The following PLEC variants were observed in gnomAD, a reference collection of about 807,000 sequenced individuals.
The protein encoded by PLEC is plectin, also known as hemidesmosomal protein 1.
In PLEC, 216 loss-of-function variants were observed where a neutral mutation model predicts 392.8. The ratio of observed to expected loss-of-function variants is 0.55; its 90% CI spans 0.49 to 0.62. The LOEUF (loss-of-function observed/expected upper bound fraction) is 0.62. Ranked by LOEUF, PLEC falls within the 20% of genes least tolerant of loss-of-function variation. PLEC has a pLI of 0.00. For missense variants in PLEC, 6,863 were observed against 6,563.4 expected (o/e 1.05, Z -1.58); for synonymous variants, 3,621 against 2,980.6 (o/e 1.21, Z -7.00).
At chr8:143,935,153 C>G in intron 7 of PLEC, 36 bp from the exon 8 acceptor site, 1 of 1,611,722 alleles carries the variant, frequency 6.2e-7, no homozygotes, top group Non-Finnish European at 8.5e-7. Flanking sequence ...GGCTCTGGGG[C>G]AGGCAGCAGG....
chr8:143,950,621 T>C (rs1318795739), exon 1 of PLEC: 1 of 1,602,766 alleles, frequency 6.2e-7, no homozygotes. Context: ...CCGCCGGTCC[T>C]TCTTGGCCAC....
intron 3 of PLEC, 145 bp downstream of exon 3, chr8:143,938,006 G>A (rs1829501988): frequency 4.5e-6 from 3 of 666,182 alleles, no homozygotes; most frequent in Non-Finnish European, 8.0e-6. Context: ...CAGGGACGAG[G>A]CCAGCCTGCC....
rs782278184 is a variant in PLEC, at chr8:143,934,764, G to A, written c.946-34C>T. 1.9e-6 allele frequency: 3 copies of A among 1,611,992 alleles called. No homozygotes were observed. The Admixed American group carries it at 5.0e-5, about 27-fold the overall frequency. On this transcript the variant is annotated intron_variant, in intron 9 of 31. Transcript: ENST00000345136. Reference sequence around the variant, plus strand: ...GACGAGGCTGTCGGCAACCACGCCGGGCTCTCAGGGCAGGCCCAGGACCCC... The same window carrying A: ...GACGAGGCTGTCGGCAACCACGCCGAGCTCTCAGGGCAGGCCCAGGACCCC...
chr8:143,975,826 G>A (rs1483954313), upstream of PLEC, among the ~76,000 whole-genome samples: 1 of 152,114 alleles, frequency 6.6e-6, no homozygotes, highest in Non-Finnish European at 1.5e-5. This position sits in a 1 kb window ranked among gnomAD's most constrained non-coding sequence, Gnocchi z 9.9. Flanking sequence ...GGAAGGGGAA[G>A]GGGTGACTAC....
At chr8:143,943,942 G>C (rs1401718657), upstream of PLEC, 1 of 1,589,176 alleles carries the variant, frequency 6.3e-7, no homozygotes, top group African/African-American at 1.3e-5. Flanking sequence ...GGAACCGGCT[G>C]CTCCAGGCTA....
At position 143,933,734 on chromosome 8, in the gene PLEC, AG is replaced by A. The variant is rs373129410; in HGVS notation, c.1263+263del. 1.9e-4 allele frequency among the ~76,000 whole-genome samples: 29 copies of A among 152,240 alleles called. No individual in the cohort carries two copies. In the East Asian group the frequency reaches 4.6e-3, roughly 24 times the overall value. ...CCCTAACAGTAAGCCGCTGTCGGGG[AG>A]GGGGCCTGGCGGGGGCAAGGCAGCC... On this transcript the variant is annotated intron_variant, in intron 12 of 31. Coordinates refer to ENST00000345136, the MANE Select transcript of PLEC (RefSeq NM_201384.3).
rs567335217 is a variant in PLEC, at chr8:143,965,334, G to A, written c.70+8069C>T. Among the ~76,000 whole-genome samples, 30 of 151,834 alleles carry A rather than the reference G, an allele frequency of 2.0e-4. No homozygotes were observed. The East Asian group carries it at 5.4e-3, about 27-fold the overall frequency. On this transcript the variant is annotated intron_variant, in intron 1 of 31. Coordinates refer to the PLEC transcript ENST00000356346. ...CCAGGACCCAAATCCTGGAGAGCAG[G>A]CCCCACAGGCTGATGTCCCAAGTCC...
At position 143,920,313 on chromosome 8, in the gene PLEC, C is replaced by T; in HGVS notation, c.9508G>A (p.Ala3170Thr). The T allele has an allele frequency of 6.3e-7, 1 of 1,590,834 alleles. No homozygotes were observed. The highest frequency in any genetic ancestry group is 8.5e-7 in the Non-Finnish European group (1 of 1,174,500). ...GCGTCGGCCCTTGGTGCCGACAGGG[C>T]CCTGCTGGTCTCCTCATCCAGGCAG... ...RGCLDEETSR[A>T]LSAPRADAKA... The change falls in exon 32 of 32, where the codon GCC becomes ACC. Residue 3170 changes from alanine to threonine, a missense_variant. By Grantham distance (58) the Ala-to-Thr change is moderately conservative. Transcript: ENST00000345136.
intron 1 of PLEC, chr8:143,944,632 A>G: frequency 7.5e-7 from 1 of 1,339,108 alleles, no homozygotes; most frequent in East Asian, 2.8e-5. Flanking sequence ...AAGGCTTTCA[A>G]GGGCTGCCCA....
upstream of PLEC, among the ~76,000 whole-genome samples, chr8:143,954,625 T>C (rs1832489594): frequency 6.6e-6 from 1 of 152,138 alleles, no homozygotes; most frequent in Non-Finnish European, 1.5e-5. This position sits in a 1 kb window ranked among gnomAD's most constrained non-coding sequence, Gnocchi z 4.6. Context: ...GGGGTCAGCC[T>C]CCTCAGCCCG....
chr8:143,944,231 G>A (rs942527071), upstream of PLEC, among the ~76,000 whole-genome samples: 2 of 151,990 alleles, frequency 1.3e-5, no homozygotes, highest in Non-Finnish European at 2.9e-5. Flanking sequence ...GGGGCCAGCC[G>A]CACGCCTGGC....
At chr8:143,975,576 CCTCT>C (rs1478854736), upstream of PLEC, among the ~76,000 whole-genome samples, 1 of 151,792 alleles carries the variant, frequency 6.6e-6, no homozygotes, top group African/African-American at 2.4e-5. This position sits in a 1 kb window ranked among gnomAD's most constrained non-coding sequence, Gnocchi z 9.9. Flanking sequence ...ACTGACTTAC[CCTCT>C]CTCCATCCAT....
rs782341043 is a variant in PLEC, at chr8:143,920,671, T to C, written c.9150A>G (p.Pro3050=). Residue 3050 remains proline (P), a synonymous_variant, in exon 32 of 32, where the codon CCA becomes CCG. Coordinates refer to ENST00000345136, the MANE Select transcript of PLEC (RefSeq NM_201384.3). ...CCAACAGGGCCACGGCCATGTCGGA[T>C]GGCAGCAGGTCTTTCTTCAGGGCAT... The part of the protein sequence containing the change: ...IYNALKKDLL[P]SDMAVALLEA... The C allele has an allele frequency of 1.9e-5, 30 of 1,603,416 alleles. No homozygotes were observed. The Admixed American group carries it at 4.3e-4, about 23-fold the overall frequency.
chr8:143,935,812 C>T, intron 6 of PLEC, 36 bp downstream of exon 6: 3 of 1,608,930 alleles, frequency 1.9e-6, no homozygotes, highest in Non-Finnish European at 1.7e-6. Flanking sequence ...TGGGGGTGCC[C>T]CCAGCCCACA....
In PLEC at chr8:143,927,049, C is replaced by A. The variant is rs374669316; in HGVS notation, c.3873G>T (p.Ala1291=). The part of the protein sequence containing the change: ...DYELQLVTYK[A]QLEPVASPAK... ...CCGGGGAGGCCACCGGCTCAAGCTG[C>A]GCCTTGTACGTCACCAGCTGGAGTT... Residue 1291 remains alanine (A), a synonymous_variant, in exon 29 of 32, where the codon GCG becomes GCT. Coordinates refer to ENST00000345136, the MANE Select transcript of PLEC (RefSeq NM_201384.3). 2 of 1,611,992 alleles carry A rather than the reference C, an allele frequency of 1.2e-6. No homozygotes were observed. The highest frequency in any genetic ancestry group is 2.2e-5 in the East Asian group (1 of 44,876).
chr8:143,933,192 C>T lies in PLEC; in HGVS notation c.1418+5G>A. On this transcript the variant is annotated splice_donor_5th_base_variant and intron_variant, in intron 13 of 31. Coordinates refer to ENST00000345136, the MANE Select transcript of PLEC (RefSeq NM_201384.3). ...GGGCTTCAGGGAGGGCAGGGCGGGG[C>T]CCACCTGCGGTACATCTGCTCGCCC... 6.2e-7 allele frequency: 1 copy of T among 1,611,864 alleles called. No individual in the cohort carries two copies. Among genetic ancestry groups the T allele is most frequent in the Non-Finnish European group, 8.5e-7 (1 of 1,179,804 alleles).
chr8:143,942,304 A>G (rs1262853692), upstream of PLEC: 1 of 1,513,750 alleles, frequency 6.6e-7, no homozygotes, highest in East Asian at 2.3e-5. Context: ...ATCCCAGCCC[A>G]GGCGGCGGTT....
chr8:143,918,789 C>G lies in PLEC; in HGVS notation c.11032G>C (p.Glu3678Gln). 1 of 1,613,144 alleles carries G rather than the reference C, an allele frequency of 6.2e-7. No homozygotes were observed. Among genetic ancestry groups the G allele is most frequent in the Non-Finnish European group, 8.5e-7 (1 of 1,180,020 alleles). ...EGTRSLREAL[E>Q]AESAWCYLYG... ...AGGTAGCACCAGGCGGACTCCGCCT[C>G]GAGAGCCTCACGGAGGCTCCTGGTG... Residue 3678 changes from glutamate (E) to glutamine (Q), a missense_variant, in exon 32 of 32, where the codon GAG (glutamate) becomes CAG (glutamine). Glu to Gln is a conservative substitution (Grantham distance 29). Coordinates refer to ENST00000345136, the MANE Select transcript of PLEC (RefSeq NM_201384.3).
At chr8:143,945,674 T>G (rs1831359330) in intron 1 of PLEC, among the ~76,000 whole-genome samples, 1 of 152,194 alleles carries the variant, frequency 6.6e-6, no homozygotes, top group African/African-American at 2.4e-5. Context: ...TCCCGCACGC[T>G]GCCATCTGAG....
Sources: allele counts gnomAD v4.1 joint callset (sites outside exome capture counted in the v4.1 genomes callset), GRCh38; gene constraint gnomAD v4.1.1; non-coding constraint Gnocchi (gnomAD v3.1); transcripts MANE v1.5; gene names NCBI Gene and HGNC (gene_info 2026-07-23, HGNC 2026-07-21).